CCDC192: variants seen among roughly 807,000 people sequenced by gnomAD.
The protein encoded by CCDC192 is coiled-coil domain containing 192.
chr5:127,753,611 C>T (rs756506059), intron 2 of CCDC192, among the ~76,000 whole-genome samples: 1 of 151,838 alleles, frequency 6.6e-6, no homozygotes, highest in Non-Finnish European at 1.5e-5. Context: ...TCGCTTGAAC[C>T]CAGGAGGTGG....
chr5:127,822,747 A>G (rs1237632867), intron 5 of CCDC192, among the ~76,000 whole-genome samples: 1 of 152,146 alleles, frequency 6.6e-6, no homozygotes, highest in African/African-American at 2.4e-5. Context: ...CCTAGGAAAG[A>G]TTTCAGGGCA....
At chr5:127,918,413 C>A (rs1306478484) in intron 6 of CCDC192, among the ~76,000 whole-genome samples, 1 of 152,002 alleles carries the variant, frequency 6.6e-6, no homozygotes, top group Non-Finnish European at 1.5e-5. Context: ...GCATGAGCAA[C>A]ATAAGAAGAA....
intron 2 of CCDC192, among the ~76,000 whole-genome samples, chr5:127,713,343 A>T (rs184418741): frequency 3.9e-5 from 6 of 152,090 alleles, no homozygotes; most frequent in African/African-American, 1.4e-4. Context: ...TCACTTGCTT[A>T]TTTGCCATCC....
intron 6 of CCDC192, among the ~76,000 whole-genome samples, chr5:127,881,658 A>T (rs1028991149): frequency 6.6e-6 from 1 of 152,284 alleles, no homozygotes; most frequent in Non-Finnish European, 1.5e-5. Context: ...CCAAGGAAAT[A>T]AACGATTTAA....
chr5:127,757,966 A>G (rs1056288956), intron 3 of CCDC192, among the ~76,000 whole-genome samples: 2 of 151,862 alleles, frequency 1.3e-5, no homozygotes, highest in Admixed American at 6.6e-5. Flanking sequence ...GGTAACCCAA[A>G]TTATGGGCTA....
rs373919803 is a variant in CCDC192, at chr5:127,804,708, T to A, written c.411+6546T>A. Among the ~76,000 whole-genome samples, 5 of 152,328 alleles carry A rather than the reference T, an allele frequency of 3.3e-5. No homozygotes were observed. In the South Asian group the frequency reaches 6.2e-4, roughly 19 times the overall value. ...GGCTCCTGAACCAGAAACATTAGCA[T>A]CACCTAGGACTTTGAAATGCAGATT... On this transcript the variant is annotated intron_variant, in intron 5 of 6. Transcript: ENST00000514853.
chr5:127,817,691 G>A (rs373564012), intron 5 of CCDC192, among the ~76,000 whole-genome samples: 54 of 152,302 alleles, frequency 3.5e-4, no homozygotes, highest in South Asian at 2.9e-3. Flanking sequence ...TCTGGACTCC[G>A]TAGTGATAGT....
At chr5:127,786,517 T>C (rs1161746390) in intron 3 of CCDC192, 2 of 635,844 alleles carry the variant, frequency 3.1e-6, no homozygotes, top group African/African-American at 3.6e-5. Flanking sequence ...CAGAATTTCT[T>C]ACCTGTTTAT....
intron 2 of CCDC192, among the ~76,000 whole-genome samples, chr5:127,719,805 G>A (rs182117800): frequency 1.5e-5 from 2 of 133,078 alleles, no homozygotes; most frequent in East Asian, 2.4e-4. Context: ...AAGGAGGCAC[G>A]TCTCGCATGG....
At chr5:127,739,815 C>T (rs1311723392) in intron 2 of CCDC192, 2 of 152,880 alleles carry the variant, frequency 1.3e-5, no homozygotes, top group Non-Finnish European at 2.9e-5. Flanking sequence ...CACCCACTGA[C>T]CTGCGCCCAC....
intron 2 of CCDC192, among the ~76,000 whole-genome samples, chr5:127,745,422 G>A (rs1476974135): frequency 6.6e-6 from 1 of 152,144 alleles, no homozygotes; most frequent in Non-Finnish European, 1.5e-5. Flanking sequence ...TGTCATATAA[G>A]ATTTGTTCAG....
At chr5:127,756,412 G>C (rs116253519) in intron 3 of CCDC192, among the ~76,000 whole-genome samples, 6,407 of 152,218 alleles carry the variant, frequency 0.042, 448 homozygotes, top group African/African-American at 0.15. Flanking sequence ...CCGGGAAGTG[G>C]GGAGTGCTGG....
chr5:127,772,342 C>G (rs1281706849), intron 3 of CCDC192, among the ~76,000 whole-genome samples: 1 of 151,814 alleles, frequency 6.6e-6, no homozygotes, highest in Non-Finnish European at 1.5e-5. Context: ...CACTGTAATC[C>G]CAGCTACTCT....
At chr5:127,822,543 A>G (rs1749340437) in intron 5 of CCDC192, among the ~76,000 whole-genome samples, 1 of 152,198 alleles carries the variant, frequency 6.6e-6, no homozygotes, top group African/African-American at 2.4e-5. Flanking sequence ...AAAGAAAAAC[A>G]GACTATGAAA....
intron 2 of CCDC192, among the ~76,000 whole-genome samples, chr5:127,720,985 G>C (rs892262861): frequency 6.6e-6 from 1 of 152,236 alleles, no homozygotes; most frequent in African/African-American, 2.4e-5. Flanking sequence ...CCAGGCCTAT[G>C]ATGGGAGGGA....
intron 3 of CCDC192, among the ~76,000 whole-genome samples, chr5:127,762,029 G>A (rs1754960738): frequency 6.6e-6 from 1 of 151,928 alleles, no homozygotes; most frequent in African/African-American, 2.4e-5. Context: ...GTAATCTGAT[G>A]CATACTGAGA....
At chr5:127,921,110 A>AAGGAGAAAGGAGAGGAAAGGAC (rs1554086055) in intron 6 of CCDC192, among the ~76,000 whole-genome samples, 136 of 126,728 alleles carry the variant, frequency 1.1e-3, no homozygotes, top group Middle Eastern at 3.9e-3. Context: ...AAGGAAAGGA[A>AAGGAGAAAGGAGAGGAAAGGAC]AGGAGAAAGG....
At chr5:127,765,543 G>A (rs1234723165) in intron 3 of CCDC192, among the ~76,000 whole-genome samples, 1 of 152,146 alleles carries the variant, frequency 6.6e-6, no homozygotes, top group African/African-American at 2.4e-5. Flanking sequence ...GTAATTTTTA[G>A]AGGTGTAAAA....
intron 2 of CCDC192, among the ~76,000 whole-genome samples, chr5:127,737,489 G>T (rs374323740): frequency 2.4e-4 from 36 of 150,800 alleles, no homozygotes; most frequent in South Asian, 6.3e-4. Context: ...TATCCTTGTT[G>T]ACTTTCTGTC....
Sources: allele counts gnomAD v4.1 joint callset (sites outside exome capture counted in the v4.1 genomes callset), GRCh38; gene constraint gnomAD v4.1.1; transcripts MANE v1.5; gene names NCBI Gene and HGNC (gene_info 2026-07-23, HGNC 2026-07-21).